Variants in ADGRB3 observed in about 807,000 individuals in gnomAD.
ADGRB3 encodes the protein adhesion G protein-coupled receptor B3.
A neutral mutation model predicts 193.4 loss-of-function variants in ADGRB3; 37 were observed. The observed-to-expected ratio is 0.19, with a 90% CI of 0.15 to 0.25. ADGRB3 has a LOEUF of 0.25. Among genes scored for constraint, ADGRB3 ranks in the 10% least tolerant of loss-of-function variants. The pLI is 1.00. For synonymous variants in ADGRB3, 690 were observed against 644.2 expected (o/e 1.07, Z -1.08); for missense variants, 1,637 against 1,852.9 (o/e 0.88, Z 2.14).
At chr6:69,112,598 G>A (rs978407402) in intron 17 of ADGRB3, among the ~76,000 whole-genome samples, 1 of 152,040 alleles carries the variant, frequency 6.6e-6, no homozygotes, top group African/African-American at 2.4e-5. Context: ...TGTATATATA[G>A]CAGGCCTTTC....
intron 29 of ADGRB3, among the ~76,000 whole-genome samples, chr6:69,361,899 G>A (rs566676410): frequency 1.3e-5 from 2 of 151,966 alleles, no homozygotes; most frequent in Admixed American, 1.3e-4. Flanking sequence ...TTGGTGCACA[G>A]TGTCTACGTG....
chr6:68,897,683 AAG>A (rs1378512064), intron 3 of ADGRB3, among the ~76,000 whole-genome samples: 1 of 115,226 alleles, frequency 8.7e-6, no homozygotes, highest in East Asian at 2.6e-4. Context: ...GGGAAAAAGA[AAG>A]AGAAACAGAA....
rs982594469 is a variant in ADGRB3, at chr6:69,292,657, A to T, written c.2815-32215A>T. Among the ~76,000 whole-genome samples the T allele has an allele frequency of 5.3e-5, 8 of 151,732 alleles. No homozygotes were observed. In the East Asian group the frequency reaches 1.5e-3, roughly 29 times the overall value. ...AGGTTCCACCAATGAGATCCACTGTAGGGAGATATGAGGGAGGAAGCAATG... is the reference window on the plus strand; with the variant it reads ...AGGTTCCACCAATGAGATCCACTGTTGGGAGATATGAGGGAGGAAGCAATG... On this transcript the variant is annotated intron_variant, in intron 20 of 31. Coordinates refer to ENST00000370598, the MANE Select transcript of ADGRB3 (RefSeq NM_001704.3).
intron 3 of ADGRB3, among the ~76,000 whole-genome samples, chr6:68,892,299 C>G (rs1369352134): frequency 2.6e-5 from 4 of 152,282 alleles, no homozygotes; most frequent in Non-Finnish European, 4.4e-5. Flanking sequence ...CAAAGCATCT[C>G]CAGCCTCACT....
At chr6:69,365,666 G>A (rs1345694520) in intron 29 of ADGRB3, among the ~76,000 whole-genome samples, 1 of 152,022 alleles carries the variant, frequency 6.6e-6, no homozygotes, top group Non-Finnish European at 1.5e-5. Flanking sequence ...GTCTATTTGT[G>A]TATAAGCTTA....
chr6:68,914,857 A>G (rs958802908), intron 3 of ADGRB3, among the ~76,000 whole-genome samples: 1 of 152,180 alleles, frequency 6.6e-6, no homozygotes, highest in African/African-American at 2.4e-5. Flanking sequence ...ATGTATCTTA[A>G]TATCAATTCA....
intron 17 of ADGRB3, among the ~76,000 whole-genome samples, chr6:69,219,461 G>GTGTATATATATATA (rs1491200940): frequency 6.9e-4 from 68 of 98,962 alleles, no homozygotes; most frequent in Non-Finnish European, 1.0e-3. Flanking sequence ...ACACACACAC[G>GTGTATATATATATA]TATATATATA....
chr6:69,361,844 A>G (rs1009917140), intron 29 of ADGRB3, among the ~76,000 whole-genome samples: 1 of 151,830 alleles, frequency 6.6e-6, no homozygotes, highest in Non-Finnish European at 1.5e-5. Context: ...ATAAATAAAT[A>G]AATAACAGGA....
At chr6:69,168,960 T>C (rs1389174933) in intron 17 of ADGRB3, among the ~76,000 whole-genome samples, 1 of 152,106 alleles carries the variant, frequency 6.6e-6, no homozygotes, top group Non-Finnish European at 1.5e-5. Context: ...TATTCTTGCT[T>C]TATAATATTT....
At chr6:68,652,776 A>G (rs542826921) in intron 3 of ADGRB3, among the ~76,000 whole-genome samples, 11 of 152,242 alleles carry the variant, frequency 7.2e-5, no homozygotes. Context: ...AGTTTCTTGG[A>G]ATAAGCTGAA....
At position 69,273,324 on chromosome 6, in the gene ADGRB3, A is replaced by T. The variant is rs3823076; in HGVS notation, c.2814+34098A>T. ...AGGCATCTAAATTCCATATATCAAA[A>T]TCACTTCTCCTGTCTTAAAAAATGT... On this transcript the variant is annotated intron_variant, in intron 20 of 31. Coordinates refer to ENST00000370598, the MANE Select transcript of ADGRB3 (RefSeq NM_001704.3). 8.4e-4 allele frequency among the ~76,000 whole-genome samples: 128 copies of T among 152,292 alleles called. 1 individual carries two copies. The East Asian group carries it at 0.02, about 24-fold the overall frequency.
chr6:69,213,079 C>T (rs1460509607), intron 17 of ADGRB3, among the ~76,000 whole-genome samples: 1 of 152,104 alleles, frequency 6.6e-6, no homozygotes, highest in Non-Finnish European at 1.5e-5. Context: ...TTTATAAAGA[C>T]ATCACTTTAT....
intron 20 of ADGRB3, among the ~76,000 whole-genome samples, chr6:69,298,086 T>C (rs1307854968): frequency 6.6e-6 from 1 of 152,122 alleles, no homozygotes; most frequent in Admixed American, 6.6e-5. Context: ...AAAGAAAAAT[T>C]GCATGGAACA....
intron 3 of ADGRB3, among the ~76,000 whole-genome samples, chr6:68,835,149 T>C (rs1377458927): frequency 6.6e-6 from 1 of 152,164 alleles, no homozygotes; most frequent in Admixed American, 6.6e-5. Flanking sequence ...GACTTCAAGA[T>C]ATGTTTGGGT....
At chr6:69,192,788 A>G (rs1765220899) in intron 17 of ADGRB3, among the ~76,000 whole-genome samples, 1 of 152,162 alleles carries the variant, frequency 6.6e-6, no homozygotes, top group African/African-American at 2.4e-5. Flanking sequence ...AGGGTCTGCT[A>G]TATTCTGCAT....
chr6:69,088,061 G>A (rs1772599338), intron 17 of ADGRB3, among the ~76,000 whole-genome samples: 1 of 152,120 alleles, frequency 6.6e-6, no homozygotes, highest in Non-Finnish European at 1.5e-5. Flanking sequence ...TTTTCTCAGG[G>A]AGGTCTCTCC....
intron 17 of ADGRB3, among the ~76,000 whole-genome samples, chr6:69,103,992 G>C (rs575407519): frequency 2.7e-4 from 41 of 151,980 alleles, no homozygotes; most frequent in Middle Eastern, 3.4e-3. Context: ...TCTGAAGTTG[G>C]AATTTTTGTT....
intron 17 of ADGRB3, among the ~76,000 whole-genome samples, chr6:69,194,106 A>C (rs985487475): frequency 6.6e-6 from 1 of 151,858 alleles, no homozygotes; most frequent in African/African-American, 2.4e-5. Flanking sequence ...TTATTTCTCT[A>C]TTTACCTCCG....
At chr6:68,811,426 T>C (rs1183265897) in intron 3 of ADGRB3, among the ~76,000 whole-genome samples, 1 of 152,226 alleles carries the variant, frequency 6.6e-6, no homozygotes, top group Admixed American at 6.5e-5. Flanking sequence ...AACATTGCAC[T>C]ATTCTGTCAG....
Sources: allele counts gnomAD v4.1 joint callset (sites outside exome capture counted in the v4.1 genomes callset), GRCh38; gene constraint gnomAD v4.1.1; transcripts MANE v1.5; gene names NCBI Gene and HGNC (gene_info 2026-07-23, HGNC 2026-07-21).